SEPTIN11: variants seen among roughly 807,000 people sequenced by gnomAD.
SEPTIN11 encodes septin-11.
A neutral mutation model predicts 51.4 loss-of-function variants in SEPTIN11; 25 were observed. That is an observed-to-expected ratio of 0.49 (90% CI 0.35 to 0.68). The LOEUF (loss-of-function observed/expected upper bound fraction) is 0.68, where lower values mean the gene tolerates loss of function less well. Among genes scored for constraint, SEPTIN11 ranks in the 30% least tolerant of loss-of-function variants. SEPTIN11 has a pLI of 0.00. For missense variants in SEPTIN11, 381 were observed against 520.8 expected (o/e 0.73, Z 2.61); for synonymous variants, 174 against 184.1 (o/e 0.95, Z 0.44).
intron 1 of SEPTIN11, chr4:76,995,740 C>G (rs1046772451): frequency 8.4e-6 from 12 of 1,427,612 alleles, no homozygotes; most frequent in African/African-American, 1.4e-5. Context: ...CCAGCCATAT[C>G]CTATGTGATT....
intron 2 of SEPTIN11, among the ~76,000 whole-genome samples, chr4:77,000,686 T>C (rs1399321611): frequency 6.6e-6 from 1 of 152,194 alleles, no homozygotes; most frequent in Non-Finnish European, 1.5e-5. Context: ...TGGAAAAATT[T>C]CTCCATGGAT....
chr4:76,983,819 C>T (rs1722891486), intron 1 of SEPTIN11, among the ~76,000 whole-genome samples: 1 of 152,082 alleles, frequency 6.6e-6, no homozygotes, highest in African/African-American at 2.4e-5. Context: ...ACCAGCCTGG[C>T]CAACGTGGTG....
At chr4:76,990,205 A>G (rs1028211234) in intron 1 of SEPTIN11, among the ~76,000 whole-genome samples, 1 of 152,016 alleles carries the variant, frequency 6.6e-6, no homozygotes, top group African/African-American at 2.4e-5. Context: ...CGTTTTACAG[A>G]GTGCTGATTG....
intron 1 of SEPTIN11, among the ~76,000 whole-genome samples, chr4:76,991,773 G>C (rs986723410): frequency 5.9e-5 from 9 of 152,222 alleles, no homozygotes; most frequent in Middle Eastern, 3.4e-3. Context: ...ATCTGTCCTA[G>C]CTCTACTACT....
At chr4:76,998,837 CCAAA>C (rs1328682640) in intron 2 of SEPTIN11, among the ~76,000 whole-genome samples, 2 of 152,076 alleles carry the variant, frequency 1.3e-5, no homozygotes, top group African/African-American at 4.8e-5. Flanking sequence ...ACACGTCTCA[CCAAA>C]CAGTCAGGAT....
At position 77,005,809 on chromosome 4, in the gene SEPTIN11, AT is replaced by A; in HGVS notation, c.338+17del. On this transcript the variant is annotated intron_variant, in intron 3 of 9. Transcript: ENST00000264893. ...ATAAAGATGACAGGTACATCTTGGGATTTTGGGGGGACATGAATGGATGAGG... is the reference window on the plus strand; with the variant it reads ...ATAAAGATGACAGGTACATCTTGGGATTTGGGGGGACATGAATGGATGAGG... The A allele has an allele frequency of 6.2e-7, 1 of 1,610,114 alleles. No individual in the cohort carries two copies. Among genetic ancestry groups the A allele is most frequent in the Admixed American group, 1.7e-5 (1 of 59,778 alleles).
chr4:77,001,581 C>T (rs897191173), intron 2 of SEPTIN11, among the ~76,000 whole-genome samples: 3 of 152,150 alleles, frequency 2.0e-5, no homozygotes, highest in East Asian at 1.9e-4. Flanking sequence ...AACTCCTGAC[C>T]TCAGGTGATC....
At chr4:76,972,459 T>C (rs1266708184) in intron 1 of SEPTIN11, 1 of 152,242 alleles carries the variant, frequency 6.6e-6, no homozygotes, top group Non-Finnish European at 1.5e-5. Context: ...ACTGAACTAA[T>C]AAATTAGAAG....
chr4:77,020,923 G>A (rs1242928787), intron 7 of SEPTIN11: 1 of 434,242 alleles, frequency 2.3e-6, no homozygotes, highest in Non-Finnish European at 4.2e-6. Context: ...TAAACAAACT[G>A]CCCAAGGTCC....
Position 77,030,827 on chromosome 4 carries a change from AAAG to A in SEPTIN11, c.1137_1139del (p.Lys380del). The A allele has an allele frequency of 1.2e-6, 2 of 1,608,918 alleles. No homozygotes were observed. The highest frequency in any genetic ancestry group is 1.7e-6 in the Non-Finnish European group (2 of 1,178,994). ...TTCTAAAGCGGACACACCAAGAAGA[AAAG>A]AAGAAAGTGGAAGACAAGAAGAAGG... On this transcript the variant is annotated inframe_deletion, in exon 9 of 10. Transcript: ENST00000264893.
At chr4:76,970,932 C>T (rs186812030) in intron 1 of SEPTIN11, among the ~76,000 whole-genome samples, 7 of 152,302 alleles carry the variant, frequency 4.6e-5, no homozygotes, top group African/African-American at 1.7e-4. Flanking sequence ...TTCCAGAAAA[C>T]TACCAACATG....
chr4:77,016,922 G>A (rs1725352399), intron 5 of SEPTIN11, among the ~76,000 whole-genome samples: 1 of 151,878 alleles, frequency 6.6e-6, no homozygotes, highest in Non-Finnish European at 1.5e-5. Flanking sequence ...TAGGTTATTT[G>A]TAAATACTAT....
intron 4 of SEPTIN11, among the ~76,000 whole-genome samples, chr4:77,013,886 A>G (rs981217612): frequency 6.6e-6 from 1 of 152,166 alleles, no homozygotes; most frequent in Non-Finnish European, 1.5e-5. Flanking sequence ...AGTTCTATAT[A>G]TCGGATGTCA....
At chr4:77,025,066 G>GACTTCA (rs1448499288) in intron 7 of SEPTIN11, among the ~76,000 whole-genome samples, 1 of 152,006 alleles carries the variant, frequency 6.6e-6, no homozygotes, top group African/African-American at 2.4e-5. Flanking sequence ...CTCTTCCTTT[G>GACTTCA]ACTTCAACAA....
Position 77,003,744 on chromosome 4 carries a change from G to T in SEPTIN11, c.143-1857G>T, listed in dbSNP as rs536002743. On this transcript the variant is annotated intron_variant, in intron 2 of 9. Coordinates refer to ENST00000264893, the MANE Select transcript of SEPTIN11 (RefSeq NM_018243.4). ...TTTGTATTATGTTAGAAAGCAATGA[G>T]TATACAATACAGAATTTATAACTAG... Among the ~76,000 whole-genome samples the T allele has an allele frequency of 9.8e-5, 15 of 152,294 alleles. No homozygotes were observed. The South Asian group carries it at 3.1e-3, about 32-fold the overall frequency.
At chr4:77,039,556 G>A, downstream of SEPTIN11, 1 of 985,216 alleles carries the variant, frequency 1.0e-6, no homozygotes, top group East Asian at 1.1e-4. Flanking sequence ...TGAACAGCCT[G>A]ATCAGGATCC....
intron 1 of SEPTIN11, chr4:76,974,595 G>A: frequency 2.7e-6 from 1 of 370,200 alleles, no homozygotes; most frequent in East Asian, 7.3e-5. Context: ...TAGAACTAAG[G>A]CGTTCTAGAT....
At chr4:76,980,645 T>C (rs1485711916) in intron 1 of SEPTIN11, among the ~76,000 whole-genome samples, 1 of 152,224 alleles carries the variant, frequency 6.6e-6, no homozygotes, top group African/African-American at 2.4e-5. Flanking sequence ...GCTTGGATTT[T>C]TCTCAAATTC....
intron 1 of SEPTIN11, among the ~76,000 whole-genome samples, chr4:76,991,519 A>G (rs1723373388): frequency 6.6e-6 from 1 of 152,246 alleles, no homozygotes; most frequent in African/African-American, 2.4e-5. Context: ...GAATTTTCTG[A>G]AAAACTACCA....
Sources: gnomAD v4.1 joint callset for allele counts (sites outside exome capture counted in the v4.1 genomes callset) on GRCh38, gnomAD v4.1.1 for gene constraint, MANE v1.5 for transcripts, NCBI Gene and HGNC (gene_info 2026-07-23, HGNC 2026-07-21) for gene names.